ZNF76: variants seen among roughly 807,000 people sequenced by gnomAD.
ZNF76 encodes the protein zinc finger protein 523.
In ZNF76, 66 loss-of-function variants were observed where a neutral mutation model predicts 66.9. That is an observed-to-expected ratio of 0.99 (90% CI 0.81 to 1.21). The LOEUF is 1.21. ZNF76 is among the 50% of genes most tolerant of loss of function. ZNF76 has a pLI of 0.00. For missense variants in ZNF76, 729 were observed against 760.3 expected (o/e 0.96, Z 0.48); for synonymous variants, 275 against 296.1 (o/e 0.93, Z 0.73).
rs996375458 is a variant in ZNF76, at chr6:35,295,671, C to T, written c.*423C>T. ...GCAGTGGAGCAGGCCCTGTCCTGCC[C>T]TCCCAGCAATAACCACCTCCCTGGA... On this transcript the variant is annotated 3_prime_UTR_variant, in exon 14 of 14. Transcript: ENST00000373953. The T allele has an allele frequency of 1.4e-5, 3 of 215,822 alleles. No individual in the cohort carries two copies. Among genetic ancestry groups the T allele is most frequent in the African/African-American group, 2.2e-5 (1 of 44,682 alleles). The allele number at this position is 215,822 out of a possible 1,614,324, so 13.4% of individuals were successfully genotyped here. A position where few individuals can be genotyped will look rare whatever the true frequency, so the allele number is the denominator to read the frequency against.
rs71002551 is a variant in ZNF76, at chr6:35,279,998, A to ATT, written c.-96-1046_-96-1045dup. On this transcript the variant is annotated intron_variant, in intron 1 of 13. Transcript: ENST00000373953. ...AGGCATGTGCCACTACACCTGGCTA[A>ATT]TTTTTTTTTTTTTGTAGAGACAATG... Among the ~76,000 whole-genome samples, 322 of 146,370 alleles carry ATT rather than the reference A, an allele frequency of 2.2e-3. 3 individuals carry two copies. Among genetic ancestry groups the ATT allele is most frequent in the South Asian group, 2.8e-3 (13 of 4,598 alleles).
chr6:35,290,431 G>A, intron 6 of ZNF76, 49 bp downstream of exon 6: 1 of 1,603,026 alleles, frequency 6.2e-7, no homozygotes, highest in Non-Finnish European at 8.5e-7. Flanking sequence ...TCCCTCCCAG[G>A]CTGTAATTCT....
chr6:35,270,937 A>G (rs1482527171), intron 1 of ZNF76, among the ~76,000 whole-genome samples: 1 of 152,170 alleles, frequency 6.6e-6, no homozygotes, highest in Non-Finnish European at 1.5e-5. Context: ...AGCCAAGATC[A>G]CACCACTGCA....
At chr6:35,295,061 AAAGT>A in intron 13 of ZNF76, 79 bp from the exon 14 acceptor site, 1 of 1,119,290 alleles carries the variant, frequency 8.9e-7, no homozygotes, top group Non-Finnish European at 1.3e-6. Context: ...GTCAAAAAAA[AAAGT>A]AGGCCACATA....
chr6:35,281,285 C>G, intron 2 of ZNF76, 61 bp downstream of exon 2: 1 of 1,536,318 alleles, frequency 6.5e-7, no homozygotes, highest in Non-Finnish European at 9.0e-7. Context: ...AAAGGAGTGT[C>G]CATTTCTAAG....
At chr6:35,272,066 C>T (rs1449523864) in intron 1 of ZNF76, among the ~76,000 whole-genome samples, 2 of 152,150 alleles carry the variant, frequency 1.3e-5, no homozygotes, top group African/African-American at 4.8e-5. Flanking sequence ...GATCATGCCA[C>T]TGCACTCCAG....
At chr6:35,270,907 G>A (rs1335758998) in intron 1 of ZNF76, among the ~76,000 whole-genome samples, 5 of 152,116 alleles carry the variant, frequency 3.3e-5, no homozygotes, top group Non-Finnish European at 5.9e-5. Flanking sequence ...TGTTGAACCC[G>A]GGAGGCAGAG....
At chr6:35,278,008 C>T (rs760186682) in intron 1 of ZNF76, among the ~76,000 whole-genome samples, 9 of 151,762 alleles carry the variant, frequency 5.9e-5, no homozygotes, top group Non-Finnish European at 8.8e-5. Flanking sequence ...TACAGGCGCC[C>T]TCCACGCCCG....
chr6:35,278,552 C>T (rs982051601), intron 1 of ZNF76, among the ~76,000 whole-genome samples: 1 of 152,270 alleles, frequency 6.6e-6, no homozygotes, highest in Non-Finnish European at 1.5e-5. Flanking sequence ...ATATCTGTCT[C>T]TCTAGGTCCC....
At chr6:35,291,464 T>C in intron 8 of ZNF76, 61 bp downstream of exon 8, 4 of 1,613,042 alleles carry the variant, frequency 2.5e-6, no homozygotes, top group Non-Finnish European at 3.4e-6. Flanking sequence ...CAGCTTGCCT[T>C]TCAGACTTAG....
chr6:35,284,755 G>A (rs1469694936), intron 2 of ZNF76, among the ~76,000 whole-genome samples: 1 of 151,888 alleles, frequency 6.6e-6, no homozygotes, highest in Non-Finnish European at 1.5e-5. Context: ...CTGTCACCCA[G>A]GCTGGACTGC....
rs888013386 is a variant in ZNF76, at chr6:35,280,198, C to CT, written c.-96-849dup. 2.8e-4 allele frequency among the ~76,000 whole-genome samples: 43 copies of CT among 151,400 alleles called. 1 individual carries two copies. The highest frequency in any genetic ancestry group is 8.5e-4 in the African/African-American group (35 of 41,282). On this transcript the variant is annotated intron_variant, in intron 1 of 13. Transcript: ENST00000373953. ...AGGCTCCAAGATAGTGGGAAGAGAG[C>CT]TTTTTTTTTAAATTCACCCTGACAG...
chr6:35,273,550 A>G (rs975225578), intron 1 of ZNF76, among the ~76,000 whole-genome samples: 1 of 150,650 alleles, frequency 6.6e-6, no homozygotes, highest in Non-Finnish European at 1.5e-5. Flanking sequence ...TGGGAGGCCA[A>G]CGCAGGCAGA....
chr6:35,282,660 C>G (rs935771982), intron 2 of ZNF76, among the ~76,000 whole-genome samples: 3 of 152,184 alleles, frequency 2.0e-5, no homozygotes, highest in African/African-American at 7.2e-5. Context: ...TGTCACTGTC[C>G]TCCTGAAGCA....
intron 1 of ZNF76, among the ~76,000 whole-genome samples, chr6:35,275,600 C>T (rs1414556379): frequency 1.3e-5 from 2 of 152,188 alleles, no homozygotes; most frequent in African/African-American, 2.4e-5. Flanking sequence ...AAGCTTCCTC[C>T]TCACCCTCTG....
In ZNF76 at chr6:35,290,712, C is replaced by T. The variant is rs934137501; in HGVS notation, c.621C>T (p.Ala207=). The part of the protein sequence containing the change: ...CDFPSCGKAF[A]TGYGLKSHVR... The stretch of plus-strand genomic sequence containing the variant: ...TCCCCAGCTGTGGAAAGGCCTTTGC[C>T]ACAGGTAACCTGCCTGGTGGGCTGC... The change falls in exon 7 of 14, where the codon GCC becomes GCT. Residue 207 remains alanine (A), a synonymous_variant. Coordinates refer to ENST00000373953, the MANE Select transcript of ZNF76 (RefSeq NM_003427.5). 4 of 1,614,162 alleles carry T rather than the reference C, an allele frequency of 2.5e-6. No individual in the cohort carries two copies. Among genetic ancestry groups the T allele is most frequent in the Non-Finnish European group, 3.4e-6 (4 of 1,179,990 alleles).
rs539412418 is a variant in ZNF76, at chr6:35,277,261, G to A, written c.-96-3795G>A. On this transcript the variant is annotated intron_variant, in intron 1 of 13. Transcript: ENST00000373953. ...AGAGCTCTTGTGAGACAGGGACCAC[G>A]TGGAGGTTATCAGGGCTCTGGGCAA... Among the ~76,000 whole-genome samples, 4 of 152,310 alleles carry A rather than the reference G, an allele frequency of 2.6e-5. No individual in the cohort carries two copies. The East Asian group carries it at 5.8e-4, about 22-fold the overall frequency.
intron 1 of ZNF76, among the ~76,000 whole-genome samples, chr6:35,280,004 T>TC: frequency 6.6e-6 from 1 of 151,604 alleles, no homozygotes; most frequent in East Asian, 1.9e-4. Context: ...GCTAATTTTT[T>TC]TTTTTTTGTA....
rs777952856 is a variant in ZNF76 at position 35,287,008 on chromosome 6, C to T, written c.232+609C>T. On this transcript the variant is annotated intron_variant, in intron 4 of 13. Coordinates refer to ENST00000373953, the MANE Select transcript of ZNF76 (RefSeq NM_003427.5). This position sits in a 1 kb window ranked among gnomAD's most constrained non-coding sequence, Gnocchi z 4.0. ...GCTGAGAGGTAAAGAATGAGGTAGA[C>T]TTAGCTGGGGGAAGAGGGATGGCAG... Among the ~76,000 whole-genome samples the T allele has an allele frequency of 2.3e-4, 35 of 152,210 alleles. No individual in the cohort carries two copies. The highest frequency in any genetic ancestry group is 4.1e-4 in the Non-Finnish European group (28 of 68,020).
Sources: gnomAD v4.1 joint callset for allele counts (sites outside exome capture counted in the v4.1 genomes callset) on GRCh38, gnomAD v4.1.1 for gene constraint, Gnocchi (gnomAD v3.1) non-coding constraint, MANE v1.5 for transcripts, NCBI Gene and HGNC (gene_info 2026-07-23, HGNC 2026-07-21) for gene names.